The following CDH18 variants were observed in gnomAD, a reference collection of about 807,000 sequenced individuals.
The protein encoded by CDH18 is cadherin 18, also known as cadherin-18.
Under a neutral mutation model 67.9 loss-of-function variants are expected in CDH18, and 31 were observed. That is an observed-to-expected ratio of 0.46 (90% CI 0.34 to 0.62). CDH18 has a LOEUF of 0.62. Among genes scored for constraint, CDH18 ranks in the 20% least tolerant of loss-of-function variants. The probability of loss-of-function intolerance (pLI) is 0.01; values close to 1 mark genes in which losing one functional copy is unlikely to be tolerated. For missense variants in CDH18, 890 were observed against 975.5 expected (o/e 0.91, Z 1.17); for synonymous variants, 362 against 347.2 (o/e 1.04, Z -0.48).
chr5:20,447,092 G>C (rs1033006129), intron 1 of CDH18, among the ~76,000 whole-genome samples: 1 of 151,876 alleles, frequency 6.6e-6, no homozygotes, highest in African/African-American at 2.4e-5. Context: ...CTGAAATGCT[G>C]TTTCTCCTTT....
chr5:19,642,490 T>C (rs1196968070), intron 5 of CDH18, among the ~76,000 whole-genome samples: 2 of 151,988 alleles, frequency 1.3e-5, no homozygotes, highest in African/African-American at 4.8e-5. Flanking sequence ...TACAAACCAA[T>C]GGAACTGAAT....
intron 2 of CDH18, among the ~76,000 whole-genome samples, chr5:20,037,577 A>G (rs751433823): frequency 1.3e-5 from 2 of 152,160 alleles, no homozygotes; most frequent in Non-Finnish European, 2.9e-5. Context: ...CTATATGGAA[A>G]CTGAACAGCC....
intron 5 of CDH18, among the ~76,000 whole-genome samples, chr5:19,711,153 C>A (rs1764649012): frequency 6.6e-6 from 1 of 151,878 alleles, no homozygotes; most frequent in Admixed American, 6.6e-5. Flanking sequence ...TAGAAGAAAA[C>A]CTGGGACAAA....
chr5:19,723,616 C>G (rs1328106060), intron 4 of CDH18, among the ~76,000 whole-genome samples: 3 of 152,162 alleles, frequency 2.0e-5, no homozygotes, highest in African/African-American at 7.2e-5. Flanking sequence ...CACTCATACA[C>G]TGTGGATAGA....
intron 3 of CDH18, among the ~76,000 whole-genome samples, chr5:19,808,215 G>T (rs914692024): frequency 1.3e-5 from 2 of 150,620 alleles, no homozygotes; most frequent in African/African-American, 4.9e-5. Context: ...AAGAAACAAA[G>T]AATTCTAGCT....
intron 3 of CDH18, among the ~76,000 whole-genome samples, chr5:19,790,493 C>A (rs2149811789): frequency 6.6e-6 from 1 of 152,170 alleles, no homozygotes; most frequent in East Asian, 1.9e-4. Context: ...CAGCTGCTGA[C>A]ACATAGATAA....
At chr5:20,412,708 C>T (rs1226214528) in intron 1 of CDH18, among the ~76,000 whole-genome samples, 1 of 152,298 alleles carries the variant, frequency 6.6e-6, no homozygotes, top group Admixed American at 6.5e-5. Flanking sequence ...AGAAGACGTA[C>T]ACACCAACAA....
At chr5:20,504,320 C>T (rs1431291726) in intron 1 of CDH18, among the ~76,000 whole-genome samples, 1 of 152,104 alleles carries the variant, frequency 6.6e-6, no homozygotes, top group Non-Finnish European at 1.5e-5. Context: ...TATGAAAAAT[C>T]TGCCATATGA....
intron 2 of CDH18, among the ~76,000 whole-genome samples, chr5:20,090,380 C>T (rs2150558617): frequency 6.6e-6 from 1 of 151,958 alleles, no homozygotes; most frequent in African/African-American, 2.4e-5. Flanking sequence ...ACCAAAAATA[C>T]AAAAATTAGC....
At chr5:20,184,807 T>TG (rs1184097386) in intron 2 of CDH18, among the ~76,000 whole-genome samples, 1 of 152,124 alleles carries the variant, frequency 6.6e-6, no homozygotes, top group Non-Finnish European at 1.5e-5. Flanking sequence ...TGTGTTCTAA[T>TG]GCAAGAGGCA....
At chr5:20,323,231 G>T (rs529680704) in intron 1 of CDH18, among the ~76,000 whole-genome samples, 2 of 152,230 alleles carry the variant, frequency 1.3e-5, no homozygotes, top group Admixed American at 1.3e-4. Flanking sequence ...CAACTTAGCA[G>T]TACAGCCTTA....
chr5:20,053,191 A>G (rs1044223337), intron 2 of CDH18, among the ~76,000 whole-genome samples: 4 of 151,886 alleles, frequency 2.6e-5, no homozygotes, highest in Non-Finnish European at 5.9e-5. Flanking sequence ...AAAATAAGGT[A>G]TCTATCTATC....
At chr5:20,229,838 C>A (rs1741925207) in intron 2 of CDH18, among the ~76,000 whole-genome samples, 1 of 151,892 alleles carries the variant, frequency 6.6e-6, no homozygotes, top group African/African-American at 2.4e-5. Context: ...CACATAGTGT[C>A]CCAGATTCTG....
intron 2 of CDH18, among the ~76,000 whole-genome samples, chr5:20,076,102 T>TATCTAA (rs1743906765): frequency 6.6e-6 from 1 of 152,106 alleles, no homozygotes; most frequent in Non-Finnish European, 1.5e-5. Flanking sequence ...TAAATAAAAA[T>TATCTAA]ATCTAAAACT....
At chr5:19,877,847 T>C (rs1184597027) in intron 2 of CDH18, 1 of 152,174 alleles carries the variant, frequency 6.6e-6, no homozygotes, top group African/African-American at 2.4e-5. Context: ...AAAAGTTGTT[T>C]AGGAATCAAA....
intron 1 of CDH18, among the ~76,000 whole-genome samples, chr5:20,490,929 A>T (rs576449441): frequency 6.6e-6 from 1 of 152,252 alleles, no homozygotes; most frequent in African/African-American, 2.4e-5. Flanking sequence ...ACAAAACATT[A>T]AATGATGGGG....
chr5:19,739,830 G>A (rs1434665058), intron 4 of CDH18, among the ~76,000 whole-genome samples: 1 of 152,138 alleles, frequency 6.6e-6, no homozygotes, highest in African/African-American at 2.4e-5. Flanking sequence ...CTTGGCAGAT[G>A]TCCAGGGTGA....
intron 3 of CDH18, among the ~76,000 whole-genome samples, chr5:19,779,897 A>G (rs1173120902): frequency 2.0e-5 from 3 of 152,212 alleles, no homozygotes; most frequent in Non-Finnish European, 4.4e-5. Flanking sequence ...AATAAGACAT[A>G]GACTAACAAG....
chr5:20,359,425 A>G, intron 1 of CDH18, among the ~76,000 whole-genome samples: 1 of 152,210 alleles, frequency 6.6e-6, no homozygotes, highest in Non-Finnish European at 1.5e-5. Flanking sequence ...TTATTTTTAC[A>G]GCATGTTTTG....
Sources: gnomAD v4.1 joint callset for allele counts (sites outside exome capture counted in the v4.1 genomes callset) on GRCh38, gnomAD v4.1.1 for gene constraint, MANE v1.5 for transcripts, NCBI Gene and HGNC (gene_info 2026-07-23, HGNC 2026-07-21) for gene names.